Variants in SLC33A1 observed in about 807,000 individuals in gnomAD.
The protein encoded by SLC33A1 is acetyl-coenzyme A transporter 1.
A neutral mutation model predicts 50.0 loss-of-function variants in SLC33A1; 20 were observed. The ratio of observed to expected loss-of-function variants is 0.40; its 90% CI spans 0.28 to 0.58. SLC33A1 has a LOEUF of 0.58. Ranked by LOEUF, SLC33A1 falls within the 20% of genes least tolerant of loss-of-function variation. The probability of loss-of-function intolerance (pLI) is 0.44; values close to 1 mark genes in which losing one functional copy is unlikely to be tolerated. For missense variants in SLC33A1, 476 were observed against 657.0 expected (o/e 0.72, Z 3.01); for synonymous variants, 265 against 251.8 (o/e 1.05, Z -0.50).
rs1560025306 is a variant in SLC33A1, at chr3:155,853,729, C to T, written c.269G>A (p.Gly90Asp). ...AATGAGTGGGATGCTTCCCGCCAAG[C>T]CCAGGGGAATACCCTGAAGCACGTA... is the stretch of plus-strand genomic sequence containing the variant. ...FLYVLQGIPL[G>D]LAGSIPLILQ... The change falls in exon 1 of 6, where the codon GGC becomes GAC. Residue 90 changes from glycine (G) to aspartate (D), a missense_variant. By Grantham distance (94) the Gly-to-Asp change is moderately conservative. Coordinates refer to ENST00000643144, the MANE Select transcript of SLC33A1 (RefSeq NM_004733.4). The T allele has an allele frequency of 1.2e-6, 2 of 1,614,108 alleles. No homozygotes were observed.
At chr3:155,834,918 G>A (rs531356106) in intron 2 of SLC33A1, among the ~76,000 whole-genome samples, 29 of 152,144 alleles carry the variant, frequency 1.9e-4, no homozygotes, top group Middle Eastern at 3.4e-3. Context: ...AAATGTCAAG[G>A]ATATTAAGGA....
chr3:155,850,884 T>G (rs1753371180), intron 1 of SLC33A1, among the ~76,000 whole-genome samples: 1 of 151,962 alleles, frequency 6.6e-6, no homozygotes, highest in African/African-American at 2.4e-5. Context: ...CCCAAAGTGC[T>G]GGGATTACAG....
Position 155,829,778 on chromosome 3 carries a change from A to T in SLC33A1, c.1392T>A (p.Ser464=), listed in dbSNP as rs1752336442. The T allele has an allele frequency of 6.2e-7, 1 of 1,614,128 alleles. No homozygotes were observed. Among genetic ancestry groups the T allele is most frequent in the Non-Finnish European group, 8.5e-7 (1 of 1,179,968 alleles). The change falls in exon 5 of 6, where the codon TCT becomes TCA. Residue 464 remains serine, a synonymous_variant. Transcript: ENST00000643144. ...TVSNLGGNWP[S]TVALWLVDPL... ...GATCTACAAGCCAAAGAGCTACTGT[A>T]GAAGGCCAGTTTCCTCCCAGATTGG...
At chr3:155,844,294 AACTC>A (rs1280296359) in intron 1 of SLC33A1, among the ~76,000 whole-genome samples, 2 of 151,762 alleles carry the variant, frequency 1.3e-5, no homozygotes, top group African/African-American at 4.8e-5. Context: ...GAGGAAAAGA[AACTC>A]AGAATACTTA....
rs146423648 is a variant in SLC33A1, at chr3:155,853,311, A to G, written c.687T>C (p.Asn229=). The part of the protein sequence containing the change: ...VGQTAGYFLG[N]VLFLALESAD... Reference sequence around the variant, plus strand: ...CAGATTCAAGGGCCAAAAACAAAACATTGCCCAAAAAGTAACCCGCTGTTT... The same window carrying G: ...CAGATTCAAGGGCCAAAAACAAAACGTTGCCCAAAAAGTAACCCGCTGTTT... The change falls in exon 1 of 6, where the codon AAT becomes AAC. Residue 229 remains asparagine (N), a synonymous_variant. Coordinates refer to ENST00000643144, the MANE Select transcript of SLC33A1 (RefSeq NM_004733.4). 1.3e-4 allele frequency: 215 copies of G among 1,613,982 alleles called. No individual in the cohort carries two copies. Among genetic ancestry groups the G allele is most frequent in the Non-Finnish European group, 1.7e-4 (205 of 1,180,034 alleles).
intron 2 of SLC33A1, 98 bp from the exon 3 acceptor site, chr3:155,834,139 G>T: frequency 1.2e-6 from 1 of 848,912 alleles, no homozygotes; most frequent in Non-Finnish European, 1.9e-6. Flanking sequence ...TTTTATTACT[G>T]ACCCATGACA....
chr3:155,824,690 T>G lies in SLC33A1; in HGVS notation c.*3520A>C, dbSNP rs1752163549. On this transcript the variant is annotated 3_prime_UTR_variant, in exon 6 of 6. Transcript: ENST00000643144. The stretch of plus-strand genomic sequence containing the variant: ...TGTGATTATGGCTTATAGTACGGTC[T>G]ACTTTCAAAACCATGATTTTTGGAT... The G allele has an allele frequency of 6.6e-6, 1 of 152,186 alleles. No homozygotes were observed. The highest frequency in any genetic ancestry group is 2.1e-4 in the South Asian group (1 of 4,830). The allele number at this position is 152,186 out of a possible 1,614,324, so 9.4% of individuals were successfully genotyped here. A position where few individuals can be genotyped will look rare whatever the true frequency, so the allele number is the denominator to read the frequency against.
chr3:155,834,496 C>A (rs1430892942), intron 2 of SLC33A1, among the ~76,000 whole-genome samples: 1 of 152,040 alleles, frequency 6.6e-6, no homozygotes, highest in Non-Finnish European at 1.5e-5. Flanking sequence ...TTCCTAAGTT[C>A]ATCTAATGTT....
At chr3:155,851,409 T>G (rs1577480025) in intron 1 of SLC33A1, among the ~76,000 whole-genome samples, 1 of 3,652 alleles carries the variant, frequency 2.7e-4, no homozygotes, top group African/African-American at 0.01. Context: ...CACCCAGCTA[T>G]TTTTTTTTTT....
intron 1 of SLC33A1, among the ~76,000 whole-genome samples, chr3:155,843,319 A>G (rs534589604): frequency 1.2e-4 from 19 of 152,290 alleles, no homozygotes; most frequent in African/African-American, 4.6e-4. Context: ...ATTAAATTTG[A>G]CAACAGGTGA....
At position 155,828,369 on chromosome 3, in the gene SLC33A1, T is replaced by A; in HGVS notation, c.1491A>T (p.Lys497Asn). 2 of 1,599,370 alleles carry A rather than the reference T, an allele frequency of 1.3e-6. No homozygotes were observed. Among genetic ancestry groups the A allele is most frequent in the Non-Finnish European group, 1.7e-6 (2 of 1,166,664 alleles). The change falls in exon 6 of 6, where the codon AAA (lysine) becomes AAT (asparagine). Residue 497 changes from lysine to asparagine, a missense_variant. Coordinates refer to ENST00000643144, the MANE Select transcript of SLC33A1 (RefSeq NM_004733.4). The stretch of plus-strand genomic sequence containing the variant: ...CTGTAACACATGAGCCACCCAGTTT[T>A]TTGCAAAGCTGTAAAAATAAAACTA... ...CRTPDAVELC[K>N]KLGGSCVTAL...
chr3:155,829,590 T>C, intron 5 of SLC33A1, 98 bp downstream of exon 5: 2 of 866,260 alleles, frequency 2.3e-6, no homozygotes, highest in Non-Finnish European at 3.8e-6. Context: ...TATGGACAGA[T>C]ATGATTTTTA....
At position 155,853,717 on chromosome 3, in the gene SLC33A1, CTTCCCGCCAAGCCCAGGGGAA is replaced by C; in HGVS notation, c.260_280del (p.Ile87_Gly93del). On this transcript the variant is annotated inframe_deletion, in exon 1 of 6. Coordinates refer to ENST00000643144, the MANE Select transcript of SLC33A1 (RefSeq NM_004733.4). ...TTTGCTTTGCAAAATGAGTGGGATG[CTTCCCGCCAAGCCCAGGGGAA>C]TACCCTGAAGCACGTAAAGAAAGAG... 1 of 1,614,160 alleles carries C rather than the reference CTTCCCGCCAAGCCCAGGGGAA, an allele frequency of 6.2e-7. No individual in the cohort carries two copies. The highest frequency in any genetic ancestry group is 8.5e-7 in the Non-Finnish European group (1 of 1,180,036).
chr3:155,832,660 T>C (rs1490921716), intron 4 of SLC33A1, among the ~76,000 whole-genome samples: 1 of 141,216 alleles, frequency 7.1e-6, no homozygotes, highest in Non-Finnish European at 1.5e-5. Context: ...AAACTCTGTC[T>C]CTACTAAAAA....
chr3:155,837,167 T>C (rs1034858767), intron 2 of SLC33A1, among the ~76,000 whole-genome samples: 3 of 151,904 alleles, frequency 2.0e-5, no homozygotes, highest in Non-Finnish European at 4.4e-5. Context: ...GAGACCATCC[T>C]GGCTAGGTGA....
chr3:155,846,139 G>C (rs1272668740), intron 1 of SLC33A1, among the ~76,000 whole-genome samples: 3 of 152,138 alleles, frequency 2.0e-5, no homozygotes, highest in Non-Finnish European at 2.9e-5. Context: ...GCTCGCACCT[G>C]AGTGTCTATT....
At position 155,842,622 on chromosome 3, in the gene SLC33A1, GA is replaced by G; in HGVS notation, c.776-4del. The G allele has an allele frequency of 6.8e-7, 1 of 1,472,760 alleles. No homozygotes were observed. The highest frequency in any genetic ancestry group is 9.3e-7 in the Non-Finnish European group (1 of 1,076,938). 91.2% of individuals were successfully genotyped at this position (1,472,760 alleles called of 1,614,324 possible). A position where few individuals can be genotyped will look rare whatever the true frequency, so the allele number is the denominator to read the frequency against. ...AGTTCCCCAGAAAAAAAGGAAATCT[GA>G]AAATGTTTTAAATCTATAATTAATT... On this transcript the variant is annotated splice_region_variant and splice_polypyrimidine_tract_variant and intron_variant, in intron 1 of 5. Transcript: ENST00000643144.
chr3:155,853,894 C>T lies in SLC33A1; in HGVS notation c.104G>A (p.Trp35Ter), dbSNP rs1753519283. The change falls in exon 1 of 6, where the codon TGG (tryptophan) becomes TAG (stop). Residue 35 changes from tryptophan to a stop codon, truncating the protein, a stop_gained. Transcript: ENST00000643144. LOFTEE classifies it high-confidence loss of function. Reference protein sequence around the residue: ...MKSGPLPPGGWDDSHLDSAGR... With the variant: ...MKSGPLPPGG ...CGCTGAGTCCAAATGACTGTCATCC[C>T]AACCGCCTGGCGGCAGGGGACCGCT... 2 of 1,549,848 alleles carry T rather than the reference C, an allele frequency of 1.3e-6. No individual in the cohort carries two copies. The highest frequency in any genetic ancestry group is 8.7e-7 in the Non-Finnish European group (1 of 1,150,674).
At chr3:155,832,250 A>T (rs1279013706) in intron 4 of SLC33A1, among the ~76,000 whole-genome samples, 1 of 152,092 alleles carries the variant, frequency 6.6e-6, no homozygotes, top group East Asian at 1.9e-4. Context: ...ATGGTGGTAC[A>T]TGCCTGTAAT....
Sources: gnomAD v4.1 joint callset for allele counts (sites outside exome capture counted in the v4.1 genomes callset) on GRCh38, gnomAD v4.1.1 for gene constraint, MANE v1.5 for transcripts, NCBI Gene and HGNC (gene_info 2026-07-23, HGNC 2026-07-21) for gene names.